Variants in NCOA7 observed in about 807,000 individuals in gnomAD.
The protein encoded by NCOA7 is nuclear receptor coactivator 7.
A neutral mutation model predicts 104.3 loss-of-function variants in NCOA7; 45 were observed. The observed-to-expected ratio is 0.43, with a 90% confidence interval of 0.34 to 0.55. The LOEUF (loss-of-function observed/expected upper bound fraction) is 0.55, where lower values mean the gene tolerates loss of function less well. Ranked by LOEUF, NCOA7 falls within the 20% of genes least tolerant of loss-of-function variation. NCOA7 has a pLI of 0.02. For synonymous variants in NCOA7, 398 were observed against 402.3 expected (o/e 0.99, Z 0.13); for missense variants, 1,041 against 1,119.7 (o/e 0.93, Z 1.00).
chr6:125,795,338 A>T (rs1160741353), intron 1 of NCOA7, among the ~76,000 whole-genome samples: 4 of 152,008 alleles, frequency 2.6e-5, no homozygotes, highest in African/African-American at 9.7e-5. Flanking sequence ...TCTTTTTTTA[A>T]ATTTATTTTT....
chr6:125,906,920 C>G (rs192222382), intron 10 of NCOA7, among the ~76,000 whole-genome samples: 1 of 152,146 alleles, frequency 6.6e-6, no homozygotes, highest in Non-Finnish European at 1.5e-5. Flanking sequence ...GTCATATCCT[C>G]TCCCCCAGGT....
At position 125,929,239 on chromosome 6, in the gene NCOA7, GTT is replaced by G. The variant is rs752467545; in HGVS notation, c.*480_*481del. On this transcript the variant is annotated 3_prime_UTR_variant, in exon 16 of 16. Coordinates refer to ENST00000392477, the MANE Select transcript of NCOA7 (RefSeq NM_181782.5). ...ACAGCACTTAAAGGGAATATATGAG[GTT>G]TTTTTTTTTTTAAAAAAAAACTTTT... The G allele has an allele frequency of 0.19, 25,577 of 135,620 alleles. 2,649 individuals are homozygous for G. The highest frequency in any genetic ancestry group is 0.32 in the African/African-American group (12,001 of 37,776). The allele number at this position is 135,620 out of a possible 1,614,324, so 8.4% of individuals were successfully genotyped here. A position where few individuals can be genotyped will look rare whatever the true frequency, so the allele number is the denominator to read the frequency against.
In NCOA7 at chr6:125,931,636, A is replaced by G. The variant is rs1583578647; in HGVS notation, c.*2865A>G. 1 of 152,232 alleles carries G rather than the reference A, an allele frequency of 6.6e-6. No homozygotes were observed. The allele number at this position is 152,232 out of a possible 1,614,324, so 9.4% of individuals were successfully genotyped here. On this transcript the variant is annotated 3_prime_UTR_variant, in exon 16 of 16. Transcript: ENST00000392477. ...TAGATGCATCCCCGTGCTACAAGCC[A>G]CCAGAGACATCCTGCACTATTATAA...
intron 2 of NCOA7, among the ~76,000 whole-genome samples, chr6:125,846,829 TC>T (rs753111989): frequency 5.9e-5 from 9 of 152,204 alleles, no homozygotes; most frequent in Non-Finnish European, 1.0e-4. Flanking sequence ...GCCTTCCTTT[TC>T]TTATCTGTAA....
chr6:125,927,214 G>A (rs558593828), intron 13 of NCOA7, among the ~76,000 whole-genome samples: 1 of 152,250 alleles, frequency 6.6e-6, no homozygotes, highest in African/African-American at 2.4e-5. Context: ...TTTCTCTGGG[G>A]AAATGCCCAG....
intron 13 of NCOA7, among the ~76,000 whole-genome samples, chr6:125,924,279 T>C (rs1787832119): frequency 6.6e-6 from 1 of 152,344 alleles, no homozygotes. Context: ...GAACAGGTAT[T>C]GATGAAGCAC....
At chr6:125,902,905 C>T (rs771016467) in intron 10 of NCOA7, among the ~76,000 whole-genome samples, 9 of 152,134 alleles carry the variant, frequency 5.9e-5, no homozygotes, top group Non-Finnish European at 1.0e-4. Context: ...GCCTACCTCA[C>T]GGGATTATAA....
At chr6:125,912,844 A>G (rs1256298870) in intron 10 of NCOA7, among the ~76,000 whole-genome samples, 1 of 152,242 alleles carries the variant, frequency 6.6e-6, no homozygotes, top group African/African-American at 2.4e-5. Flanking sequence ...ATTTATATCT[A>G]CATAAACACT....
chr6:125,883,315 A>G (rs1310210250), intron 7 of NCOA7, among the ~76,000 whole-genome samples: 1 of 152,238 alleles, frequency 6.6e-6, no homozygotes, highest in Non-Finnish European at 1.5e-5. Flanking sequence ...GCAAACAAGA[A>G]TAAATAATGC....
At chr6:125,906,310 G>A (rs973264244) in intron 10 of NCOA7, among the ~76,000 whole-genome samples, 3 of 152,084 alleles carry the variant, frequency 2.0e-5, no homozygotes, top group African/African-American at 4.8e-5. Flanking sequence ...CTTCCATTCC[G>A]AGAGGAGGCA....
At chr6:125,800,736 G>A (rs1775808791) in intron 1 of NCOA7, among the ~76,000 whole-genome samples, 1 of 152,118 alleles carries the variant, frequency 6.6e-6, no homozygotes, top group Non-Finnish European at 1.5e-5. Context: ...ATTATAAAAT[G>A]ACACAAGGGG....
intron 2 of NCOA7, among the ~76,000 whole-genome samples, chr6:125,830,198 A>G (rs1217162841): frequency 6.6e-6 from 1 of 152,216 alleles, no homozygotes; most frequent in Non-Finnish European, 1.5e-5. Flanking sequence ...TCCATACAGA[A>G]TAAATCAAAT....
chr6:125,844,548 A>C (rs544134061), intron 2 of NCOA7, among the ~76,000 whole-genome samples: 33 of 152,224 alleles, frequency 2.2e-4, no homozygotes, highest in South Asian at 1.7e-3. Context: ...TTTGCCTTTA[A>C]GTTTGACTTA....
Position 125,929,520 on chromosome 6 carries a change from A to G in NCOA7, c.*749A>G, listed in dbSNP as rs1241098476. The G allele has an allele frequency of 5.3e-5, 8 of 152,080 alleles. No homozygotes were observed. Among genetic ancestry groups the G allele is most frequent in the Non-Finnish European group, 1.0e-4 (7 of 68,008 alleles). 9.4% of individuals were successfully genotyped at this position (152,080 alleles called of 1,614,324 possible). A position where few individuals can be genotyped will look rare whatever the true frequency, so the allele number is the denominator to read the frequency against. On this transcript the variant is annotated 3_prime_UTR_variant, in exon 16 of 16. Coordinates refer to ENST00000392477, the MANE Select transcript of NCOA7 (RefSeq NM_181782.5). The stretch of plus-strand genomic sequence containing the variant: ...TGTGTGTATGTATATGTACATATAC[A>G]TATATATGAGTGTATAATTCTAAAT...
chr6:125,785,345 AAAAC>A (rs1273131377), intron 1 of NCOA7, among the ~76,000 whole-genome samples: 7 of 152,216 alleles, frequency 4.6e-5, no homozygotes, highest in African/African-American at 1.7e-4. Context: ...CTCAAGAAAA[AAAAC>A]TGGTGAGATC....
intron 4 of NCOA7, 84 bp downstream of exon 4, chr6:125,875,052 G>C: frequency 2.0e-6 from 2 of 1,016,230 alleles, no homozygotes; most frequent in South Asian, 2.8e-5. Context: ...CTGCCCCTTG[G>C]CTGCATTCCT....
chr6:125,854,881 A>G (rs1781419478), intron 2 of NCOA7, 139 bp from the exon 3 acceptor site: 2 of 607,304 alleles, frequency 3.3e-6, no homozygotes, highest in Non-Finnish European at 5.7e-6. Context: ...AGAACAATAC[A>G]TGTAATGAAC....
chr6:125,872,852 G>C (rs1783048813), intron 3 of NCOA7, among the ~76,000 whole-genome samples: 1 of 152,184 alleles, frequency 6.6e-6, no homozygotes, highest in Non-Finnish European at 1.5e-5. Context: ...ATTTAGGTGT[G>C]GTTGCCTGTA....
chr6:125,817,666 T>C (rs1234878258), intron 2 of NCOA7, among the ~76,000 whole-genome samples: 2 of 152,214 alleles, frequency 1.3e-5, no homozygotes, highest in African/African-American at 4.8e-5. Flanking sequence ...TTGTTGGATA[T>C]GTGATTTGCA....
Sources: allele counts gnomAD v4.1 joint callset (sites outside exome capture counted in the v4.1 genomes callset), GRCh38; gene constraint gnomAD v4.1.1; transcripts MANE v1.5; gene names NCBI Gene and HGNC (gene_info 2026-07-23, HGNC 2026-07-21).